AP4S1: variants seen among roughly 807,000 people sequenced by gnomAD.
The protein encoded by AP4S1 is adaptor related protein complex 4 subunit sigma 1, also known as AP-4 complex subunit sigma-1.
A neutral mutation model predicts 19.8 loss-of-function variants in AP4S1; 23 were observed. That is an observed-to-expected ratio of 1.16 (90% CI 0.84 to 1.65). AP4S1 has a LOEUF of 1.65. AP4S1 is among the 40% of genes most tolerant of loss of function. The pLI is 0.00. For missense variants in AP4S1, 166 were observed against 172.8 expected, an observed-to-expected ratio of 0.96 and a Z score of 0.22; for synonymous variants, 46 against 54.1, an observed-to-expected ratio of 0.85 and a Z score of 0.66.
intron 1 of AP4S1, among the ~76,000 whole-genome samples, chr14:31,047,491 C>T (rs1051430883): frequency 2.0e-5 from 3 of 151,290 alleles, no homozygotes; most frequent in African/African-American, 4.9e-5. Flanking sequence ...GGGTTCACGC[C>T]GTTCTCCTGC....
intron 1 of AP4S1, among the ~76,000 whole-genome samples, chr14:31,038,992 G>T (rs976711012): frequency 7.0e-5 from 10 of 142,550 alleles, no homozygotes; most frequent in African/African-American, 2.6e-4. Context: ...AAATGTAGAG[G>T]TTTTTTTTTT....
intron 1 of AP4S1, among the ~76,000 whole-genome samples, chr14:31,043,596 G>A (rs1243899556): frequency 1.3e-5 from 2 of 152,138 alleles, no homozygotes; most frequent in East Asian, 1.9e-4. Context: ...ATCTCATTTA[G>A]CCCTCACAAT....
intron 1 of AP4S1, among the ~76,000 whole-genome samples, chr14:31,045,822 T>C (rs1885363615): frequency 6.6e-6 from 1 of 152,104 alleles, no homozygotes; most frequent in African/African-American, 2.4e-5. Flanking sequence ...CCTGAGTTTA[T>C]ACTAATAAAG....
chr14:31,037,248 C>G (rs1385044651), intron 1 of AP4S1, among the ~76,000 whole-genome samples: 1 of 152,018 alleles, frequency 6.6e-6, no homozygotes, highest in Non-Finnish European at 1.5e-5. Context: ...TTGTTGCTAC[C>G]TTAGTTTGGC....
chr14:31,035,112 T>G (rs1051586621), intron 1 of AP4S1, among the ~76,000 whole-genome samples: 5 of 152,112 alleles, frequency 3.3e-5, no homozygotes, highest in Non-Finnish European at 7.4e-5. Context: ...TCTAAGTATC[T>G]TTAACAGATT....
At chr14:31,072,104 C>G (rs1293412992) in intron 3 of AP4S1, among the ~76,000 whole-genome samples, 6 of 151,730 alleles carry the variant, frequency 4.0e-5, no homozygotes, top group Non-Finnish European at 5.9e-5. Context: ...CCATGCCCAG[C>G]TAATTTTTGT....
chr14:31,046,061 G>C (rs1410598224), intron 1 of AP4S1, among the ~76,000 whole-genome samples: 2 of 151,398 alleles, frequency 1.3e-5, no homozygotes, highest in Non-Finnish European at 2.9e-5. Context: ...CCGCCTCCCA[G>C]GTTCAAGCAA....
rs200686742 is a variant in AP4S1 at position 31,085,962 on chromosome 14, CTG to C, written c.306+5381_306+5382del. On this transcript the variant is annotated intron_variant, in intron 5 of 5. Coordinates refer to ENST00000542754, the MANE Select transcript of AP4S1 (RefSeq NM_001128126.3). ...AGGGCATCAATGCTGTGTGCACTCT[CTG>C]TGACTCCGCCAGCATCTGCCATGGT... The C allele has an allele frequency of 4.7e-3, 1,856 of 392,470 alleles. 28 individuals are homozygous for C. The highest frequency in any genetic ancestry group is 0.039 in the African/African-American group (1,764 of 45,624). 24.3% of individuals were successfully genotyped at this position (392,470 alleles called of 1,614,324 possible).
Position 31,065,747 on chromosome 14 carries a change from G to A in AP4S1, c.-71-379G>A, listed in dbSNP as rs557195729. ...GCAATCTCGGCTCACTGCAAGCTCC[G>A]CCTCCGGGGTTCACACCATTCCCCT... On this transcript the variant is annotated intron_variant, in intron 1 of 5. Coordinates refer to ENST00000542754, the MANE Select transcript of AP4S1 (RefSeq NM_001128126.3). 4.6e-5 allele frequency among the ~76,000 whole-genome samples: 7 copies of A among 152,144 alleles called. No individual in the cohort carries two copies. In the East Asian group the frequency reaches 9.6e-4, roughly 21 times the overall value.
At chr14:31,092,791 C>A in intron 5 of AP4S1, 116 bp from the exon 6 acceptor site, 1 of 739,842 alleles carries the variant, frequency 1.4e-6, no homozygotes, top group African/African-American at 1.9e-5. Context: ...AAATTTTGTA[C>A]AAAAAACCTC....
chr14:31,056,171 T>A (rs1886103478), intron 1 of AP4S1, among the ~76,000 whole-genome samples: 1 of 151,726 alleles, frequency 6.6e-6, no homozygotes, highest in African/African-American at 2.4e-5. Context: ...TAAATCTACA[T>A]ACTCTACTTT....
intron 1 of AP4S1, among the ~76,000 whole-genome samples, chr14:31,027,816 A>G (rs868807085): frequency 1.3e-5 from 2 of 152,224 alleles, no homozygotes; most frequent in South Asian, 2.1e-4. Flanking sequence ...GCTAAGAAGC[A>G]TTTGTTTGAA....
intron 1 of AP4S1, among the ~76,000 whole-genome samples, chr14:31,052,723 C>T (rs113165542): frequency 6.4e-4 from 93 of 145,402 alleles, no homozygotes; most frequent in African/African-American, 2.3e-3. Context: ...AGCAAGACTC[C>T]CTCTCAAAAA....
intron 1 of AP4S1, among the ~76,000 whole-genome samples, chr14:31,058,926 C>T (rs955312804): frequency 1.3e-5 from 2 of 151,972 alleles, no homozygotes; most frequent in Non-Finnish European, 2.9e-5. Flanking sequence ...TTCATACCTG[C>T]TCCCTGACCA....
intron 2 of AP4S1, among the ~76,000 whole-genome samples, chr14:31,068,500 ATGT>A (rs1428445119): frequency 1.3e-5 from 2 of 152,216 alleles, no homozygotes; most frequent in African/African-American, 4.8e-5. Flanking sequence ...ACACTGTTTC[ATGT>A]TGTCAGACGG....
At chr14:31,062,643 A>G (rs973124941) in intron 1 of AP4S1, among the ~76,000 whole-genome samples, 1 of 152,190 alleles carries the variant, frequency 6.6e-6, no homozygotes, top group Non-Finnish European at 1.5e-5. Flanking sequence ...AATGAAATCA[A>G]ATGGATTCTC....
chr14:31,083,552 T>G (rs1368795634), intron 5 of AP4S1: 1 of 424,526 alleles, frequency 2.4e-6, no homozygotes, highest in Non-Finnish European at 4.5e-6. Flanking sequence ...TCACCCAGGC[T>G]GGAGTGCAGA....
rs891495715 is a variant in AP4S1 at position 31,066,178 on chromosome 14, T to C, written c.-19T>C. 1.2e-6 allele frequency: 2 copies of C among 1,613,152 alleles called. No individual in the cohort carries two copies. The highest frequency in any genetic ancestry group is 1.7e-6 in the Non-Finnish European group (2 of 1,179,722). ...AACTTTTGAACTGTATTTGGAAAAA[T>C]ACTGGCCAGGAAAGAAAAATGATAA... On this transcript the variant is annotated 5_prime_UTR_variant, in exon 2 of 6. Transcript: ENST00000542754.
chr14:31,039,617 G>A (rs1594635866), intron 1 of AP4S1, among the ~76,000 whole-genome samples: 1 of 144,600 alleles, frequency 6.9e-6, no homozygotes, highest in Admixed American at 7.0e-5. Flanking sequence ...CTGTCGCCCA[G>A]GCTGGAGTGC....
Sources: allele counts gnomAD v4.1 joint callset (sites outside exome capture counted in the v4.1 genomes callset), GRCh38; gene constraint gnomAD v4.1.1; transcripts MANE v1.5; gene names NCBI Gene and HGNC (gene_info 2026-07-23, HGNC 2026-07-21).